Variants in STPG2 observed in about 807,000 individuals in gnomAD.
The protein encoded by STPG2 is sperm-tail PG-rich repeat-containing protein 2.
STPG2 carries 56 observed loss-of-function variants against 54.2 expected under a neutral mutation model. That is an observed-to-expected ratio of 1.03 (90% CI 0.83 to 1.29). The LOEUF is 1.29. STPG2 is among the 50% of genes most tolerant of loss of function. The pLI is 0.00. For missense variants in STPG2, 596 were observed against 544.9 expected (o/e 1.09, Z -0.93); for synonymous variants, 200 against 181.8 (o/e 1.10, Z -0.81).
intron 9 of STPG2, among the ~76,000 whole-genome samples, chr4:97,796,145 T>C (rs1429396892): frequency 6.6e-6 from 1 of 152,232 alleles, no homozygotes; most frequent in African/African-American, 2.4e-5. Flanking sequence ...TCCCATTCTG[T>C]AGGTTGCCTG....
intron 8 of STPG2, among the ~76,000 whole-genome samples, chr4:97,842,370 T>A (rs556709354): frequency 6.6e-6 from 1 of 152,018 alleles, no homozygotes; most frequent in Non-Finnish European, 1.5e-5. Context: ...ATGGATTATT[T>A]GTGTATCTTT....
chr4:97,464,912 C>T (rs1407471301), intron 4 of STPG2, among the ~76,000 whole-genome samples: 1 of 152,076 alleles, frequency 6.6e-6, no homozygotes, highest in African/African-American at 2.4e-5. Flanking sequence ...TTTTTTTCTG[C>T]TCCTCTGTTT....
intron 8 of STPG2, among the ~76,000 whole-genome samples, chr4:97,904,485 A>G (rs1236635983): frequency 6.6e-6 from 1 of 152,232 alleles, no homozygotes; most frequent in Non-Finnish European, 1.5e-5. Context: ...AAAAGTAGAT[A>G]AAACCACAAA....
intron 9 of STPG2, among the ~76,000 whole-genome samples, chr4:97,815,195 T>C (rs1252698074): frequency 1.3e-5 from 2 of 152,178 alleles, no homozygotes; most frequent in Non-Finnish European, 2.9e-5. Flanking sequence ...GCTTTGACTA[T>C]GTGACCAGTT....
chr4:97,965,688 G>A (rs1734072680), intron 7 of STPG2, among the ~76,000 whole-genome samples: 1 of 152,210 alleles, frequency 6.6e-6, no homozygotes, highest in South Asian at 2.1e-4. Context: ...AACATTTGCT[G>A]TTCTGCAGTC....
chr4:97,810,187 C>T (rs144133005), intron 9 of STPG2, among the ~76,000 whole-genome samples: 5 of 152,130 alleles, frequency 3.3e-5, no homozygotes, highest in Middle Eastern at 3.4e-3. Context: ...GAAAGCAAGC[C>T]GGGCAGGGTG....
chr4:97,441,949 A>C (rs1729093359), intron 4 of STPG2, among the ~76,000 whole-genome samples: 1 of 152,074 alleles, frequency 6.6e-6, no homozygotes, highest in Non-Finnish European at 1.5e-5. Flanking sequence ...TTCTCCACTG[A>C]CAAGTATTTT....
intron 9 of STPG2, among the ~76,000 whole-genome samples, chr4:97,719,639 A>G (rs1724388128): frequency 6.6e-6 from 1 of 151,866 alleles, no homozygotes; most frequent in African/African-American, 2.4e-5. Flanking sequence ...TGAGACTATA[A>G]TTTTCTCTGA....
chr4:97,620,280 G>A, intron 10 of STPG2, among the ~76,000 whole-genome samples: 1 of 152,152 alleles, frequency 6.6e-6, no homozygotes, highest in East Asian at 1.9e-4. Flanking sequence ...AAAGTTGCAG[G>A]AAAATTCCCT....
intron 9 of STPG2, among the ~76,000 whole-genome samples, chr4:97,740,258 C>T (rs944368447): frequency 5.3e-5 from 8 of 152,116 alleles, no homozygotes; most frequent in African/African-American, 1.2e-4. Context: ...GCCAATATCA[C>T]ACTGAATGGG....
intron 8 of STPG2, among the ~76,000 whole-genome samples, chr4:97,849,090 C>A (rs1054658803): frequency 6.6e-6 from 1 of 151,096 alleles, no homozygotes; most frequent in Non-Finnish European, 1.5e-5. Context: ...TTACCTTGGG[C>A]AGTATGGCCA....
chr4:98,057,454 A>T (rs1046572465), intron 5 of STPG2, among the ~76,000 whole-genome samples: 1 of 149,930 alleles, frequency 6.7e-6, no homozygotes, highest in African/African-American at 2.5e-5. Flanking sequence ...GAAGGAAAGA[A>T]TCTCAGGGCT....
chr4:97,963,952 G>C (rs558530534), intron 7 of STPG2, among the ~76,000 whole-genome samples: 1 of 152,030 alleles, frequency 6.6e-6, no homozygotes, highest in Non-Finnish European at 1.5e-5. Flanking sequence ...AGAAACTAGA[G>C]AGCTATTTTG....
At chr4:98,105,906 G>A (rs781490584) in intron 5 of STPG2, 47 bp downstream of exon 5, 1 of 1,467,070 alleles carries the variant, frequency 6.8e-7, no homozygotes, top group South Asian at 1.2e-5. Flanking sequence ...AGGATTCAAT[G>A]ATCTTAAAAT....
intron 10 of STPG2, among the ~76,000 whole-genome samples, chr4:97,563,895 A>G (rs532518794): frequency 6.6e-6 from 1 of 152,276 alleles, no homozygotes; most frequent in East Asian, 1.9e-4. Context: ...TGGTGCTGAA[A>G]AAAATATATA....
intron 9 of STPG2, among the ~76,000 whole-genome samples, chr4:97,723,083 A>T (rs967417025): frequency 6.7e-6 from 1 of 150,152 alleles, no homozygotes; most frequent in Admixed American, 6.7e-5. Context: ...AAGTGCTGGG[A>T]TTACAGGCGT....
chr4:97,586,373 G>C (rs1206198183), intron 10 of STPG2, among the ~76,000 whole-genome samples: 1 of 151,734 alleles, frequency 6.6e-6, no homozygotes, highest in East Asian at 1.9e-4. Context: ...AGTCCTGGAA[G>C]GAAAAGAGAA....
chr4:97,523,430 C>A (rs1477260703), intron 4 of STPG2, among the ~76,000 whole-genome samples: 1 of 151,880 alleles, frequency 6.6e-6, no homozygotes, highest in Admixed American at 6.6e-5. Context: ...AATATGAGTT[C>A]TCTTACTTTA....
chr4:97,463,296 CAT>C (rs771962511), intron 4 of STPG2, among the ~76,000 whole-genome samples: 17 of 152,070 alleles, frequency 1.1e-4, no homozygotes, highest in East Asian at 3.9e-4. Context: ...AATTTATGCA[CAT>C]GTTTATATAT....
Sources: allele counts gnomAD v4.1 joint callset (sites outside exome capture counted in the v4.1 genomes callset), GRCh38; gene constraint gnomAD v4.1.1; transcripts MANE v1.5; gene names NCBI Gene and HGNC (gene_info 2026-07-23, HGNC 2026-07-21).